The following EXOC3L4 variants were observed in gnomAD, a reference collection of about 807,000 sequenced individuals.
EXOC3L4 encodes exocyst complex component 3 like 4, also known as exocyst complex component 3-like protein 4.
In EXOC3L4, 62 loss-of-function variants were observed where a neutral mutation model predicts 69.7. The ratio of observed to expected loss-of-function variants is 0.89; its 90% CI spans 0.72 to 1.10. EXOC3L4 has a LOEUF of 1.10. Among genes scored for constraint, EXOC3L4 ranks in the 50% least tolerant of loss-of-function variants. The probability of loss-of-function intolerance (pLI) is 0.00; values close to 1 mark genes in which losing one functional copy is unlikely to be tolerated. For missense variants in EXOC3L4, 1,087 were observed against 1,034.8 expected (o/e 1.05, Z -0.69); for synonymous variants, 502 against 464.2 (o/e 1.08, Z -1.05).
intron 1 of EXOC3L4, among the ~76,000 whole-genome samples, chr14:103,099,269 G>C (rs1458716960): frequency 1.3e-5 from 2 of 152,304 alleles, no homozygotes; most frequent in East Asian, 1.9e-4. Context: ...CCAACCTAAA[G>C]CCAGGAAAGC....
rs1287208227 is a variant in EXOC3L4, at chr14:103,107,753, C to T, written c.1824C>T (p.Ala608=). ...MHGSQKMSLD[A]QAISDTFQGL... ...GCTCCCAGAAGATGAGCCTGGATGC[C>T]CAGGCCATCAGCGACACCTTCCAGG... is the stretch of plus-strand genomic sequence containing the variant. Residue 608 remains alanine (A), a synonymous_variant, in exon 10 of 12, where the codon GCC becomes GCT. Transcript: ENST00000688303. 2 of 1,540,410 alleles carry T rather than the reference C, an allele frequency of 1.3e-6. No individual in the cohort carries two copies. The highest frequency in any genetic ancestry group is 2.4e-5 in the East Asian group (1 of 41,240).
At chr14:103,105,170 G>C (rs1478161163) in intron 7 of EXOC3L4, 98 bp downstream of exon 7, 51 of 1,241,572 alleles carry the variant, frequency 4.1e-5, no homozygotes, top group Non-Finnish European at 5.2e-5. Flanking sequence ...GCGTGGAGGG[G>C]GCAGAGGTGA....
chr14:103,102,349 C>G lies in EXOC3L4; in HGVS notation c.626C>G (p.Ala209Gly). The G allele has an allele frequency of 6.4e-7, 1 of 1,560,602 alleles. No homozygotes were observed. Among genetic ancestry groups the G allele is most frequent in the Non-Finnish European group, 8.6e-7 (1 of 1,159,772 alleles). Reference sequence around the variant, plus strand: ...CTGGACAGCGACGGTGTGGACGCGGCCGCGCTGGCCGAGCTGGCCCGCGTG... The same window carrying G: ...CTGGACAGCGACGGTGTGGACGCGGGCGCGCTGGCCGAGCTGGCCCGCGTG... ...ETLDSDGVDA[A>G]ALAELARVVS... Residue 209 changes from alanine (A) to glycine (G), a missense_variant, in exon 3 of 12, where the codon GCC becomes GGC. Coordinates refer to ENST00000688303, the MANE Select transcript of EXOC3L4 (RefSeq NM_001077594.2).
intron 11 of EXOC3L4, among the ~76,000 whole-genome samples, 178 bp from the exon 12 acceptor site, chr14:103,109,853 A>G (rs1890821377): frequency 1.4e-5 from 2 of 145,496 alleles, no homozygotes; most frequent in African/African-American, 5.1e-5. Context: ...CCCCAGGCCC[A>G]CGCCCTGCCC....
chr14:103,095,080 A>G (rs1208226974), intron 1 of EXOC3L4, among the ~76,000 whole-genome samples: 1 of 152,264 alleles, frequency 6.6e-6, no homozygotes, highest in African/African-American at 2.4e-5. Flanking sequence ...ATGCAGGCAC[A>G]GACACAGACT....
In EXOC3L4 at chr14:103,104,755, G is replaced by GAGGA. The variant is rs1280581127; in HGVS notation, c.1303_1304insGGAA (p.Lys435ArgfsTer31). ...GCTCGCAGCTCGTGGCCGAGCACGT[G>GAGGA]AAGGCGGCCGGCGCCATCTCCGCGG... On this transcript the variant is annotated frameshift_variant, in exon 6 of 12. Transcript: ENST00000688303. LOFTEE classifies it high-confidence loss of function. 6.6e-7 allele frequency: 1 copy of GAGGA among 1,517,876 alleles called. No homozygotes were observed. Among genetic ancestry groups the GAGGA allele is most frequent in the East Asian group, 2.5e-5 (1 of 40,036 alleles). 94.0% of individuals were successfully genotyped at this position (1,517,876 alleles called of 1,614,324 possible). A position where few individuals can be genotyped will look rare whatever the true frequency, so the allele number is the denominator to read the frequency against.
intron 2 of EXOC3L4, 77 bp from the exon 3 acceptor site, chr14:103,102,040 GC>G: frequency 7.0e-7 from 1 of 1,429,350 alleles, no homozygotes; most frequent in Non-Finnish European, 9.5e-7. Flanking sequence ...GATGGATTGA[GC>G]CGTGGCCTGC....
At position 103,100,567 on chromosome 14, in the gene EXOC3L4, G is replaced by A. The variant is rs1057640; in HGVS notation, c.348G>A (p.Gln116=). ...VPSGVMNGVS[Q]QASTGAASEE... ...CGGGGGTCATGAATGGTGTCAGCCA[G>A]CAGGCATCCACTGGGGCAGCGTCTG... The change falls in exon 2 of 12, where the codon CAG becomes CAA. Residue 116 remains glutamine, a synonymous_variant. Coordinates refer to ENST00000688303, the MANE Select transcript of EXOC3L4 (RefSeq NM_001077594.2). The A allele has an allele frequency of 0.17, 276,723 of 1,609,350 alleles. 27,235 individuals are homozygous for A. The highest frequency in any genetic ancestry group is 0.39 in the East Asian group (17,657 of 44,720).
rs1890862483 is a variant in EXOC3L4, at chr14:103,110,277, G to C, written c.*54G>C. Reference sequence around the variant, plus strand: ...GCTGGCAGGGAGCTGTGGTCAGTGGGGGTCAGCCAGGAGCCCAGGGAGTCA... The same window carrying C: ...GCTGGCAGGGAGCTGTGGTCAGTGGCGGTCAGCCAGGAGCCCAGGGAGTCA... On this transcript the variant is annotated 3_prime_UTR_variant, in exon 12 of 12. Coordinates refer to ENST00000688303, the MANE Select transcript of EXOC3L4 (RefSeq NM_001077594.2). The C allele has an allele frequency of 1.3e-6, 2 of 1,496,254 alleles. No homozygotes were observed. Among genetic ancestry groups the C allele is most frequent in the Admixed American group, 4.3e-5 (2 of 46,362 alleles). The allele number at this position is 1,496,254 out of a possible 1,614,324, so 92.7% of individuals were successfully genotyped here.
Position 103,107,480 on chromosome 14 carries a change from C to T in EXOC3L4, c.1638C>T (p.Pro546=), listed in dbSNP as rs267603884. ...RDWLTQDWLH[P]LMDKVVTFAG... is the part of the protein sequence containing the mutation. The stretch of plus-strand genomic sequence containing the variant: ...GGCTGACGCAGGACTGGCTGCATCC[C>T]CTCATGGACAAGGTGGTGACCTTCG... The change falls in exon 9 of 12, where the codon CCC becomes CCT. Residue 546 remains proline, a synonymous_variant. Coordinates refer to ENST00000688303, the MANE Select transcript of EXOC3L4 (RefSeq NM_001077594.2). 4 of 1,613,754 alleles carry T rather than the reference C, an allele frequency of 2.5e-6. No homozygotes were observed. Among genetic ancestry groups the T allele is most frequent in the African/African-American group, 1.3e-5 (1 of 74,932 alleles).
rs933395062 is a variant in EXOC3L4, at chr14:103,097,368, G to A, written c.-17+2528G>A. On this transcript the variant is annotated intron_variant, in intron 1 of 11. Transcript: ENST00000688303. The surrounding 1 kb of genome is among the most constrained non-coding windows in gnomAD (Gnocchi z 4.9). ...GGAGCCGGGGCCCCCTGGACTCTCC[G>A]GGCACTGGGGACAGAGAGACGCAGA... 4.6e-5 allele frequency among the ~76,000 whole-genome samples: 7 copies of A among 152,126 alleles called. No individual in the cohort carries two copies. The highest frequency in any genetic ancestry group is 5.9e-5 in the Non-Finnish European group (4 of 67,998).
intron 3 of EXOC3L4, chr14:103,103,640 T>G (rs1292175737): frequency 2.7e-6 from 1 of 365,588 alleles, no homozygotes; most frequent in Non-Finnish European, 5.0e-6. Flanking sequence ...GCCTCCGTGC[T>G]GCGGGTTGGA....
At position 103,110,168 on chromosome 14, in the gene EXOC3L4, T is replaced by C. The variant is rs1188759935; in HGVS notation, c.2114T>C (p.Leu705Pro). Reference sequence around the variant, plus strand: ...GCGGAGGCCCCTCGGGGCCGCGTGCTCTTCGAGGAGATCAAGGTGCCCAGT... The same window carrying C: ...GCGGAGGCCCCTCGGGGCCGCGTGCCCTTCGAGGAGATCAAGGTGCCCAGT... ...AGAEAPRGRV[L>P]FEEIKVPSAM... The change falls in exon 12 of 12, where the codon CTC becomes CCC. Residue 705 changes from leucine to proline, a missense_variant. Transcript: ENST00000688303. 2 of 1,535,006 alleles carry C rather than the reference T, an allele frequency of 1.3e-6. No homozygotes were observed.
At chr14:103,101,166 A>G (rs910052018) in intron 2 of EXOC3L4, among the ~76,000 whole-genome samples, 3 of 151,894 alleles carry the variant, frequency 2.0e-5, no homozygotes, top group Non-Finnish European at 2.9e-5. Context: ...CAGCCTCCCA[A>G]AGTGCTGGGA....
chr14:103,102,757 C>A lies in EXOC3L4; in HGVS notation c.1034C>A (p.Ala345Asp). Residue 345 changes from alanine (A) to aspartate (D), a missense_variant, in exon 3 of 12, where the codon GCC (alanine) becomes GAC (aspartate). By Grantham distance (126) the Ala-to-Asp change is moderately radical. Coordinates refer to ENST00000688303, the MANE Select transcript of EXOC3L4 (RefSeq NM_001077594.2). ...EQLYILLDWA[A>D]NVYGSPDFLG... ...CTCTATATCCTGCTGGACTGGGCCG[C>A]CAACGTCTACGGCAGGTGAGTCTCG... 1 of 1,364,946 alleles carries A rather than the reference C, an allele frequency of 7.3e-7. No individual in the cohort carries two copies. Among genetic ancestry groups the A allele is most frequent in the Non-Finnish European group, 9.4e-7 (1 of 1,060,620 alleles). The allele number at this position is 1,364,946 out of a possible 1,614,324, so 84.6% of individuals were successfully genotyped here. A position where few individuals can be genotyped will look rare whatever the true frequency, so the allele number is the denominator to read the frequency against.
chr14:103,102,467 GGTGCGGCGAAGCGCTCAGGAGCGC>G lies in EXOC3L4; in HGVS notation c.753_776del (p.Ser252_Arg259del). Reference sequence around the variant, plus strand: ...GCTGGCGCCAGCACTGGGAGGAGGCGGTGCGGCGAAGCGCTCAGGAGCGCGTGCGGCGGCCGGGCGCGGGGTGGG... The same window carrying G: ...GCTGGCGCCAGCACTGGGAGGAGGCGGTGCGGCGGCCGGGCGCGGGGTGGG... On this transcript the variant is annotated inframe_deletion, in exon 3 of 12. Coordinates refer to ENST00000688303, the MANE Select transcript of EXOC3L4 (RefSeq NM_001077594.2). 6.9e-7 allele frequency: 1 copy of G among 1,451,012 alleles called. No homozygotes were observed. 89.9% of individuals were successfully genotyped at this position (1,451,012 alleles called of 1,614,324 possible). A position where few individuals can be genotyped will look rare whatever the true frequency, so the allele number is the denominator to read the frequency against.
rs767574490 is a variant in EXOC3L4, at chr14:103,104,073, C to G, written c.1161+21C>G. On this transcript the variant is annotated intron_variant, in intron 4 of 11. Transcript: ENST00000688303. ...TGGAGGTCAGGCCGGGCGGGTCAGG[C>G]TGGGCGGGCCAGGCTGGAGGGGGCG... 9.8e-6 allele frequency: 15 copies of G among 1,531,410 alleles called. No individual in the cohort carries two copies. In the South Asian group the frequency reaches 1.8e-4, roughly 19 times the overall value. The allele number at this position is 1,531,410 out of a possible 1,614,324, so 94.9% of individuals were successfully genotyped here. A position where few individuals can be genotyped will look rare whatever the true frequency, so the allele number is the denominator to read the frequency against.
chr14:103,103,950 C>G lies in EXOC3L4; in HGVS notation c.1059C>G (p.Phe353Leu). Residue 353 changes from phenylalanine (F) to leucine (L), a missense_variant, in exon 4 of 12, where the codon TTC becomes TTG. Coordinates refer to ENST00000688303, the MANE Select transcript of EXOC3L4 (RefSeq NM_001077594.2). The part of the protein sequence containing the change: ...WAANVYGSPD[F>L]LGAPGLALPA... Reference sequence around the variant, plus strand: ...CTGCCCTGTCTTCCAGTCCTGACTTCCTGGGCGCCCCGGGGCTGGCGCTGC... The same window carrying G: ...CTGCCCTGTCTTCCAGTCCTGACTTGCTGGGCGCCCCGGGGCTGGCGCTGC... The G allele has an allele frequency of 6.5e-7, 1 of 1,543,576 alleles. No individual in the cohort carries two copies. The highest frequency in any genetic ancestry group is 8.7e-7 in the Non-Finnish European group (1 of 1,150,100).
chr14:103,103,676 T>G, intron 3 of EXOC3L4: 1 of 462,586 alleles, frequency 2.2e-6, no homozygotes, highest in Middle Eastern at 5.7e-4. Flanking sequence ...GAGCTGTGTT[T>G]GAGGAGAGGG....
Sources: gnomAD v4.1 joint callset for allele counts (sites outside exome capture counted in the v4.1 genomes callset) on GRCh38, gnomAD v4.1.1 for gene constraint, Gnocchi (gnomAD v3.1) non-coding constraint, MANE v1.5 for transcripts, NCBI Gene and HGNC (gene_info 2026-07-23, HGNC 2026-07-21) for gene names.